PDE10A: variants seen among roughly 807,000 people sequenced by gnomAD.
The protein encoded by PDE10A is cAMP and cAMP-inhibited cGMP 3',5'-cyclic phosphodiesterase 10A.
PDE10A carries 39 observed loss-of-function variants against 97.7 expected under a neutral mutation model. The observed-to-expected ratio is 0.40, with a 90% CI of 0.31 to 0.52. The LOEUF is 0.52. PDE10A is among the 20% of genes least tolerant of loss of function. The pLI, the probability that PDE10A is intolerant of heterozygous loss-of-function variation, is 0.56. For synonymous variants in PDE10A, 371 were observed against 376.8 expected (o/e 0.98, Z 0.18); for missense variants, 731 against 1,047.8 (o/e 0.70, Z 4.17).
intron 1 of PDE10A, among the ~76,000 whole-genome samples, chr6:165,751,182 G>A (rs1792991319): frequency 6.6e-6 from 1 of 152,162 alleles, no homozygotes; most frequent in Admixed American, 6.5e-5. Context: ...CACATACCAA[G>A]CACCTTTCCC....
chr6:165,912,771 C>T (rs1328503464), intron 1 of PDE10A, among the ~76,000 whole-genome samples: 1 of 152,192 alleles, frequency 6.6e-6, no homozygotes. Flanking sequence ...CTATGTATTA[C>T]TCAGTGGATA....
intron 1 of PDE10A, among the ~76,000 whole-genome samples, chr6:165,836,062 C>A (rs1484539052): frequency 6.6e-6 from 1 of 152,168 alleles, no homozygotes; most frequent in Non-Finnish European, 1.5e-5. Context: ...ATCTAAAACG[C>A]TTTCGCTGTT....
At chr6:165,546,282 G>A (rs2128325663) in intron 1 of PDE10A, among the ~76,000 whole-genome samples, 1 of 152,112 alleles carries the variant, frequency 6.6e-6, no homozygotes, top group Non-Finnish European at 1.5e-5. Context: ...ATTATGAATA[G>A]GTAAAGTACA....
chr6:165,459,510 TAGATAGATAGATAGAC>T (rs1476517932), intron 3 of PDE10A, among the ~76,000 whole-genome samples: 57 of 59,620 alleles, frequency 9.6e-4, no homozygotes, highest in African/African-American at 4.1e-3. Context: ...GATAGATAGA[TAGATAGATAGATAGAC>T]AGACAGACAG....
chr6:165,465,146 G>T (rs999063144), intron 3 of PDE10A, among the ~76,000 whole-genome samples: 7 of 152,042 alleles, frequency 4.6e-5, no homozygotes, highest in African/African-American at 1.7e-4. Flanking sequence ...GCATTTTAAA[G>T]AAAAAGTTGT....
At chr6:165,372,283 A>T (rs1401212670) in intron 18 of PDE10A, among the ~76,000 whole-genome samples, 2 of 150,878 alleles carry the variant, frequency 1.3e-5, no homozygotes, top group Non-Finnish European at 2.9e-5. Context: ...AGAGGAAATC[A>T]AATTGTCCCT....
At chr6:165,640,294 T>C (rs936180531) in intron 1 of PDE10A, among the ~76,000 whole-genome samples, 4 of 152,208 alleles carry the variant, frequency 2.6e-5, no homozygotes, top group African/African-American at 9.6e-5. Flanking sequence ...GTTTACTTAT[T>C]AGATACATAT....
At position 165,388,446 on chromosome 6, in the gene PDE10A, C is replaced by A; in HGVS notation, c.2462G>T (p.Gly821Val). Reference sequence around the variant, plus strand: ...ATGACACAGACACGCAATCAGCAGTCCTTTGCGCTTTAAAAAATAATATGA... The same window carrying A: ...ATGACACAGACACGCAATCAGCAGTACTTTGCGCTTTAAAAAATAATATGA... ...HTLFTDLERK[G>V]LLIACLCHDL... is the part of the protein sequence containing the mutation. The change falls in exon 17 of 22, where the codon GGA becomes GTA. Residue 821 changes from glycine to valine, a missense_variant. Physicochemically the swap from Gly to Val is moderately radical, Grantham distance 109. This residue lies in a region of PDE10A where 131 missense variants were observed against 187.4 expected (regional missense o/e 0.70). Coordinates refer to ENST00000539869, the MANE Select transcript of PDE10A (RefSeq NM_001385079.1). This position sits in a 1 kb window ranked among gnomAD's most constrained non-coding sequence, Gnocchi z 4.0. 6.2e-7 allele frequency: 1 copy of A among 1,614,032 alleles called. No homozygotes were observed.
rs534261525 is a variant in PDE10A at position 165,795,103 on chromosome 6, G to A, written c.-615+192426C>T. ...TGCATCTACCTACCCCACTCTTCCC[G>A]GCAATGGCTCCTGTCATCTTCAGGG... On this transcript the variant is annotated intron_variant, in intron 1 of 19. Coordinates refer to the PDE10A transcript ENST00000366882. Among the ~76,000 whole-genome samples, 4 of 152,272 alleles carry A rather than the reference G, an allele frequency of 2.6e-5. No homozygotes were observed. In the East Asian group the frequency reaches 5.8e-4, roughly 22 times the overall value.
At chr6:165,466,442 T>A (rs563691698) in intron 3 of PDE10A, among the ~76,000 whole-genome samples, 1 of 152,210 alleles carries the variant, frequency 6.6e-6, no homozygotes, top group Non-Finnish European at 1.5e-5. Context: ...TTTCTGAATG[T>A]CAGCACAGGC....
chr6:165,967,104 A>G (rs897407409), intron 1 of PDE10A, among the ~76,000 whole-genome samples: 21 of 152,318 alleles, frequency 1.4e-4, no homozygotes, highest in Non-Finnish European at 2.1e-4. Flanking sequence ...GAAGGGTACA[A>G]CTGATTCCTA....
At chr6:165,553,359 A>T (rs1784107431) in intron 1 of PDE10A, among the ~76,000 whole-genome samples, 1 of 152,158 alleles carries the variant, frequency 6.6e-6, no homozygotes, top group Non-Finnish European at 1.5e-5. Flanking sequence ...AAACAAAGAG[A>T]TGTTTCTTTA....
intron 1 of PDE10A, among the ~76,000 whole-genome samples, chr6:165,747,257 G>A (rs1020795271): frequency 3.9e-5 from 6 of 151,950 alleles, no homozygotes; most frequent in South Asian, 4.2e-4. Context: ...AAATTAAAAC[G>A]TTTTAAATGA....
intron 17 of PDE10A, among the ~76,000 whole-genome samples, chr6:165,384,623 T>TGTGA (rs1178141330): frequency 2.1e-5 from 2 of 96,106 alleles, no homozygotes; most frequent in Admixed American, 1.1e-4. Flanking sequence ...TGTGTGTATG[T>TGTGA]GTGAGTGAGT....
At chr6:165,567,478 CTAA>C (rs1784831097) in intron 1 of PDE10A, among the ~76,000 whole-genome samples, 1 of 152,178 alleles carries the variant, frequency 6.6e-6, no homozygotes, top group Non-Finnish European at 1.5e-5. Flanking sequence ...TGTTCTTCAA[CTAA>C]TGTTTATTGT....
intron 3 of PDE10A, among the ~76,000 whole-genome samples, chr6:165,469,039 T>C (rs561515083): frequency 6.6e-6 from 1 of 152,360 alleles, no homozygotes; most frequent in South Asian, 2.1e-4. Context: ...ATGTGTTTAG[T>C]TCCCACTTTT....
In PDE10A at chr6:165,619,321, GGTGTA is replaced by G. The variant is rs1331637555; in HGVS notation, c.865+42621_865+42625del. On this transcript the variant is annotated intron_variant, in intron 1 of 21. Transcript: ENST00000539869. ...AGTGTAGTGTAGTGTAGTCTAGTGT[GGTGTA>G]GTGTAGTGTAGTGTAGTCTAGTGTA... 2.1e-3 allele frequency among the ~76,000 whole-genome samples: 85 copies of G among 40,870 alleles called. 3 individuals are homozygous for G. Among genetic ancestry groups the G allele is most frequent in the East Asian group, 3.6e-3 (6 of 1,656 alleles). The allele number at this position is 40,870 out of a possible 152,430, so 26.8% of individuals were successfully genotyped here.
chr6:165,924,798 A>C (rs9459532), intron 1 of PDE10A, among the ~76,000 whole-genome samples: 1 of 152,310 alleles, frequency 6.6e-6, no homozygotes, highest in South Asian at 2.1e-4. Context: ...GTAAAACATA[A>C]AAGTTATTAG....
At chr6:165,821,834 T>G (rs1311755893) in intron 1 of PDE10A, among the ~76,000 whole-genome samples, 2 of 152,182 alleles carry the variant, frequency 1.3e-5, no homozygotes, top group African/African-American at 4.8e-5. Flanking sequence ...TGAGCCACCA[T>G]GCTCGGCATT....
Sources: allele counts gnomAD v4.1 joint callset (sites outside exome capture counted in the v4.1 genomes callset), GRCh38; gene constraint gnomAD v4.1.1; regional missense constraint gnomAD v4.1.1; non-coding constraint Gnocchi (gnomAD v3.1); transcripts MANE v1.5; gene names NCBI Gene and HGNC (gene_info 2026-07-23, HGNC 2026-07-21).